The following PRIM2 variants were observed in gnomAD, a reference collection of about 807,000 sequenced individuals.
PRIM2 encodes the protein DNA primase large subunit.
In PRIM2, 39 loss-of-function variants were observed where a neutral mutation model predicts 67.3. The ratio of observed to expected loss-of-function variants is 0.58; its 90% CI spans 0.45 to 0.76. PRIM2 has a LOEUF of 0.76. PRIM2 is among the 30% of genes least tolerant of loss of function. The probability of loss-of-function intolerance (pLI) is 0.00; values close to 1 mark genes in which losing one functional copy is unlikely to be tolerated. For synonymous variants in PRIM2, 143 were observed against 198.7 expected, an observed-to-expected ratio of 0.72 and a Z score of 2.36; for missense variants, 398 against 598.7, an observed-to-expected ratio of 0.66 and a Z score of 3.50.
At chr6:57,498,631 GAAGT>G (rs1186937166) in intron 7 of PRIM2, among the ~76,000 whole-genome samples, 38 of 152,154 alleles carry the variant, frequency 2.5e-4, no homozygotes, top group African/African-American at 8.4e-4. Flanking sequence ...TAAGGAAGCT[GAAGT>G]GAGTGGTAGA....
the PRIM2 span, among the ~76,000 whole-genome samples, chr6:57,237,966 A>C: frequency 2.0e-5 from 3 of 152,198 alleles, no homozygotes; most frequent in Non-Finnish European, 2.9e-5. Context: ...GAGACAAAGA[A>C]GGCCATTACA....
At chr6:57,374,304 T>TTTATTTATTTATTTA (rs1491303703) in intron 5 of PRIM2, among the ~76,000 whole-genome samples, 30 of 123,316 alleles carry the variant, frequency 2.4e-4, no homozygotes, top group African/African-American at 8.9e-4. Context: ...TATTTATTTA[T>TTTATTTATTTATTTA]TTTTTTTGAG....
At chr6:57,398,912 CT>C (rs888028568) in intron 7 of PRIM2, among the ~76,000 whole-genome samples, 1 of 151,326 alleles carries the variant, frequency 6.6e-6, no homozygotes, top group East Asian at 1.9e-4. Flanking sequence ...CCTTTTTTGT[CT>C]TTTTTTTATC....
At chr6:57,280,643 G>A in the PRIM2 span, among the ~76,000 whole-genome samples, 1 of 152,064 alleles carries the variant, frequency 6.6e-6, no homozygotes, top group African/African-American at 2.4e-5. Flanking sequence ...CTGAGTAGCT[G>A]GGATTACAGG....
At chr6:57,356,969 T>C (rs1310233430) in intron 5 of PRIM2, among the ~76,000 whole-genome samples, 2 of 149,560 alleles carry the variant, frequency 1.3e-5, no homozygotes, top group Admixed American at 6.8e-5. Context: ...AGTCTTGCTC[T>C]GTTGCCCAGG....
intron 7 of PRIM2, among the ~76,000 whole-genome samples, chr6:57,397,447 G>A (rs1424517597): frequency 1.3e-5 from 2 of 152,006 alleles, no homozygotes; most frequent in Non-Finnish European, 2.9e-5. Flanking sequence ...TCTTCTACTT[G>A]TTCAGTTCTA....
At chr6:57,469,502 T>C (rs1425113425) in intron 7 of PRIM2, among the ~76,000 whole-genome samples, 1 of 152,216 alleles carries the variant, frequency 6.6e-6, no homozygotes, top group Non-Finnish European at 1.5e-5. Flanking sequence ...AACACTGTGA[T>C]CTTACGATGT....
chr6:57,446,890 G>A (rs1278598123), intron 7 of PRIM2, among the ~76,000 whole-genome samples: 1 of 152,160 alleles, frequency 6.6e-6, no homozygotes, highest in Non-Finnish European at 1.5e-5. Context: ...GGTAGAAGTT[G>A]GGCTGGAAGG....
At chr6:57,240,096 T>TTTTTTG in the PRIM2 span, among the ~76,000 whole-genome samples, 8 of 8,382 alleles carry the variant, frequency 9.5e-4, no homozygotes, top group Admixed American at 3.4e-3. Context: ...AATCTGTTTT[T>TTTTTTG]TTTTTTTTTT....
At chr6:57,407,046 A>AG (rs1770916088) in intron 7 of PRIM2, among the ~76,000 whole-genome samples, 6 of 151,810 alleles carry the variant, frequency 4.0e-5, no homozygotes, top group Admixed American at 2.6e-4. Flanking sequence ...TTGCTTATAA[A>AG]TTTGAAACAA....
At chr6:57,326,231 T>A in intron 5 of PRIM2, 186 bp downstream of exon 5, 1 of 517,438 alleles carries the variant, frequency 1.9e-6, no homozygotes, top group Non-Finnish European at 3.3e-6. Flanking sequence ...AAAGGACTCC[T>A]TAATAACAAA....
chr6:57,271,123 C>G, the PRIM2 span, among the ~76,000 whole-genome samples: 16 of 152,262 alleles, frequency 1.1e-4, no homozygotes, highest in Admixed American at 1.3e-4. Context: ...GCTTTGGTAT[C>G]AGGATGATGC....
At chr6:57,568,325 T>A (rs1296890880) in intron 10 of PRIM2, among the ~76,000 whole-genome samples, 1 of 152,218 alleles carries the variant, frequency 6.6e-6, no homozygotes, top group Non-Finnish European at 1.5e-5. Context: ...ACTGTAAAGA[T>A]CCTAAACCTT....
At chr6:57,310,050 A>C (rs1430959310), upstream of PRIM2, among the ~76,000 whole-genome samples, 1 of 152,130 alleles carries the variant, frequency 6.6e-6, no homozygotes, top group Non-Finnish European at 1.5e-5. Context: ...CTCATCTGAC[A>C]AAGGGCTAAT....
At chr6:57,589,312 A>G (rs1776245536) in intron 10 of PRIM2, among the ~76,000 whole-genome samples, 2 of 152,166 alleles carry the variant, frequency 1.3e-5, no homozygotes, top group Non-Finnish European at 2.9e-5. Flanking sequence ...TCTCTCTTCT[A>G]TTAGCCTCAC....
At chr6:57,346,249 T>C (rs1232712591) in intron 5 of PRIM2, among the ~76,000 whole-genome samples, 1 of 152,180 alleles carries the variant, frequency 6.6e-6, no homozygotes, top group Admixed American at 6.5e-5. Flanking sequence ...CTCGCTCTAC[T>C]AGAGTCTTTT....
chr6:57,364,093 G>A (rs1344489016), intron 5 of PRIM2, among the ~76,000 whole-genome samples: 3 of 144,572 alleles, frequency 2.1e-5, no homozygotes, highest in African/African-American at 7.8e-5. Context: ...TTTCACATCT[G>A]CTATGTTGCT....
intron 7 of PRIM2, among the ~76,000 whole-genome samples, chr6:57,385,654 A>G (rs6459211): frequency 6.6e-6 from 1 of 152,140 alleles, no homozygotes; most frequent in African/African-American, 2.4e-5. Flanking sequence ...CGTCTCTTTA[A>G]TCTCCTTCAG....
chr6:57,229,776 C>A, the PRIM2 span, among the ~76,000 whole-genome samples: 3 of 152,334 alleles, frequency 2.0e-5, no homozygotes, highest in South Asian at 6.2e-4. Flanking sequence ...AGGTGTGAGC[C>A]ACTGTGCCTG....
Sources: allele counts gnomAD v4.1 joint callset (sites outside exome capture counted in the v4.1 genomes callset), GRCh38; gene constraint gnomAD v4.1.1; transcripts MANE v1.5; gene names NCBI Gene and HGNC (gene_info 2026-07-23, HGNC 2026-07-21).